LARS1: variants seen among roughly 807,000 people sequenced by gnomAD.
The protein encoded by LARS1 is leucine--tRNA ligase, cytoplasmic.
A neutral mutation model predicts 162.8 loss-of-function variants in LARS1; 100 were observed. That is an observed-to-expected ratio of 0.61 (90% CI 0.52 to 0.73). LARS1 has a LOEUF of 0.73. Ranked by LOEUF, LARS1 falls within the 30% of genes least tolerant of loss-of-function variation. The pLI, the probability that LARS1 is intolerant of heterozygous loss-of-function variation, is 0.00. For synonymous variants in LARS1, 457 were observed against 462.8 expected, an observed-to-expected ratio of 0.99 and a Z score of 0.16; for missense variants, 1,258 against 1,408.9, an observed-to-expected ratio of 0.89 and a Z score of 1.71.
At chr5:146,144,189 A>C (rs1236787968) in intron 18 of LARS1, 78 bp downstream of exon 18, 1 of 1,034,284 alleles carries the variant, frequency 9.7e-7, no homozygotes, top group Non-Finnish European at 1.4e-6. Flanking sequence ...AATTGAGGGC[A>C]GGGGGGAAAG....
intron 1 of LARS1, among the ~76,000 whole-genome samples, chr5:146,181,572 G>C (rs1358665777): frequency 6.6e-6 from 1 of 151,842 alleles, no homozygotes; most frequent in Non-Finnish European, 1.5e-5. Context: ...AGGATCGCTT[G>C]AGCCCTAAGG....
chr5:146,168,929 G>T (rs77415333), intron 4 of LARS1, among the ~76,000 whole-genome samples: 1 of 151,882 alleles, frequency 6.6e-6, no homozygotes, highest in African/African-American at 2.4e-5. Flanking sequence ...CTGTCAGGAG[G>T]GGGGAGGGAT....
chr5:146,135,502 G>A, intron 22 of LARS1, 99 bp downstream of exon 22: 1 of 883,648 alleles, frequency 1.1e-6, no homozygotes, highest in Non-Finnish European at 1.7e-6. Context: ...TTTGTTAAAA[G>A]CAAAACAGAA....
chr5:146,163,734 C>T (rs1470119682), intron 6 of LARS1, among the ~76,000 whole-genome samples: 1 of 152,290 alleles, frequency 6.6e-6, no homozygotes, highest in East Asian at 1.9e-4. Flanking sequence ...CATAACTTGG[C>T]TGACTGTTTG....
At chr5:146,127,643 T>G (rs934861567) in intron 27 of LARS1, among the ~76,000 whole-genome samples, 2 of 152,106 alleles carry the variant, frequency 1.3e-5, no homozygotes, top group African/African-American at 4.8e-5. Context: ...TGAGGTAGTT[T>G]CACTTTTGTG....
chr5:146,137,545 A>T (rs1238559554), intron 21 of LARS1, among the ~76,000 whole-genome samples: 1 of 152,200 alleles, frequency 6.6e-6, no homozygotes, highest in African/African-American at 2.4e-5. Context: ...AAGCATAGAG[A>T]GGACTACTAT....
intron 31 of LARS1, among the ~76,000 whole-genome samples, chr5:146,116,613 A>G (rs1178202282): frequency 1.1e-4 from 16 of 152,242 alleles, no homozygotes; most frequent in Admixed American, 9.8e-4. Flanking sequence ...CTGCAACTAC[A>G]TAAGATTTAA....
chr5:146,114,921 G>A (rs956986602), intron 31 of LARS1, among the ~76,000 whole-genome samples: 1 of 151,794 alleles, frequency 6.6e-6, no homozygotes, highest in Non-Finnish European at 1.5e-5. Flanking sequence ...GTGCATGCCT[G>A]TAGTCCCAGC....
intron 30 of LARS1, 83 bp from the exon 31 acceptor site, chr5:146,120,586 T>G (rs1751778759): frequency 1.5e-6 from 2 of 1,325,912 alleles, no homozygotes; most frequent in African/African-American, 1.5e-5. Flanking sequence ...CAATGCCCAA[T>G]GAAAGACAGA....
At chr5:146,168,734 C>T (rs576158142) in intron 4 of LARS1, among the ~76,000 whole-genome samples, 1 of 151,770 alleles carries the variant, frequency 6.6e-6, no homozygotes, top group South Asian at 2.1e-4. Context: ...AATCATGTAC[C>T]TCAAAATTCA....
At chr5:146,172,089 C>T in intron 3 of LARS1, 99 bp from the exon 4 acceptor site, 4 of 1,050,732 alleles carry the variant, frequency 3.8e-6, no homozygotes, top group Admixed American at 2.1e-5. Context: ...TTCTTTACAT[C>T]CTCCTTTGGA....
intron 21 of LARS1, among the ~76,000 whole-genome samples, chr5:146,136,989 C>T (rs1326268549): frequency 6.6e-6 from 1 of 152,026 alleles, no homozygotes; most frequent in Non-Finnish European, 1.5e-5. Flanking sequence ...GTAACCTCTG[C>T]CTCTCGGGTT....
At chr5:146,139,021 T>C in intron 21 of LARS1, 1 of 291,682 alleles carries the variant, frequency 3.4e-6, no homozygotes, top group South Asian at 2.7e-5. Flanking sequence ...TAACGAAAAG[T>C]CAATAAAAGT....
In LARS1 at chr5:146,177,628, T is replaced by G; in HGVS notation, c.44A>C (p.Lys15Thr). 6.2e-7 allele frequency: 1 copy of G among 1,607,094 alleles called. No homozygotes were observed. Among genetic ancestry groups the G allele is most frequent in the African/African-American group, 1.3e-5 (1 of 74,796 alleles). Reference sequence around the variant, plus strand: ...TTTCTGTTGGATTTCTTTCTCAATCTTCTTCAAAAAGTCCACTTTGGCTGT... The same window carrying G: ...TTTCTGTTGGATTTCTTTCTCAATCGTCTTCAAAAAGTCCACTTTGGCTGT... ...KGTAKVDFLK[K>T]IEKEIQQKWD... The change falls in exon 2 of 32, where the codon AAG becomes ACG. Residue 15 changes from lysine to threonine, a missense_variant. By Grantham distance (78) the Lys-to-Thr change is moderately conservative. Transcript: ENST00000394434.
At chr5:146,169,944 T>C (rs1265406383) in intron 4 of LARS1, among the ~76,000 whole-genome samples, 2 of 152,172 alleles carry the variant, frequency 1.3e-5, no homozygotes, top group Non-Finnish European at 2.9e-5. Context: ...ATTACCATTT[T>C]ATATGCTTTT....
chr5:146,129,199 T>C, intron 25 of LARS1, 81 bp from the exon 26 acceptor site: 2 of 1,175,802 alleles, frequency 1.7e-6, no homozygotes, highest in Non-Finnish European at 2.4e-6. Context: ...TATAGTTTCA[T>C]ACCAAGGATA....
rs1754921849 is a variant in LARS1, at chr5:146,182,577, C to A, written c.-84G>T. ...GAGTGGTTACCTTTCCCCTCCCTCT[C>A]GGGGATGCCAGGCCTCCCACGAAAC... On this transcript the variant is annotated 5_prime_UTR_variant, in exon 1 of 32. Coordinates refer to ENST00000394434, the MANE Select transcript of LARS1 (RefSeq NM_020117.11). 1.3e-6 allele frequency: 2 copies of A among 1,568,398 alleles called. No homozygotes were observed. Among genetic ancestry groups the A allele is most frequent in the Middle Eastern group, 1.7e-4 (1 of 5,966 alleles).
chr5:146,124,010 T>C lies in LARS1; in HGVS notation c.3068A>G (p.Asn1023Ser), dbSNP rs961453142. Residue 1023 changes from asparagine (N) to serine (S), a missense_variant, in exon 29 of 32, where the codon AAT (asparagine) becomes AGT (serine). Coordinates refer to ENST00000394434, the MANE Select transcript of LARS1 (RefSeq NM_020117.11). ...EFDEKAVLMENIVYLTNSLEL... is the reference protein window; with the variant it reads ...EFDEKAVLMESIVYLTNSLEL... ...AAGCGAATTAGTCAGATAGACTATATTCTCCATAAGCACAGCCTTTTCATC... is the reference window on the plus strand; with the variant it reads ...AAGCGAATTAGTCAGATAGACTATACTCTCCATAAGCACAGCCTTTTCATC... 1.5e-5 allele frequency: 24 copies of C among 1,608,560 alleles called. No homozygotes were observed. Among genetic ancestry groups the C allele is most frequent in the Non-Finnish European group, 2.0e-5 (23 of 1,176,074 alleles).
In LARS1 at chr5:146,151,928, G is replaced by C. The variant is rs902031093; in HGVS notation, c.1359C>G (p.Ser453Arg). Residue 453 changes from serine to arginine, a missense_variant, in exon 14 of 32, where the codon AGC becomes AGG. Ser to Arg is a moderately radical substitution (Grantham distance 110). Transcript: ENST00000394434. ...VTICDELKIQ[S>R]QNDREKLAEA... ...CTGCAAGTTTTTCCCGGTCATTCTG[G>C]CTCTGAATTTTCAACTCATCACAAA... 6.2e-7 allele frequency: 1 copy of C among 1,613,908 alleles called. No individual in the cohort carries two copies. Among genetic ancestry groups the C allele is most frequent in the Non-Finnish European group, 8.5e-7 (1 of 1,179,948 alleles).
Sources: allele counts gnomAD v4.1 joint callset (sites outside exome capture counted in the v4.1 genomes callset), GRCh38; gene constraint gnomAD v4.1.1; transcripts MANE v1.5; gene names NCBI Gene and HGNC (gene_info 2026-07-23, HGNC 2026-07-21).